CHRM3: variants seen among roughly 807,000 people sequenced by gnomAD.
The protein encoded by CHRM3 is muscarinic acetylcholine receptor M3.
CHRM3 carries 11 observed loss-of-function variants against 41.8 expected under a neutral mutation model. That is an observed-to-expected ratio of 0.26 (90% CI 0.17 to 0.44). The LOEUF is 0.44. CHRM3 is among the 20% of genes least tolerant of loss of function. CHRM3 has a pLI of 1.00. For synonymous variants in CHRM3, 297 were observed against 301.4 expected (o/e 0.99, Z 0.15); for missense variants, 571 against 745.4 (o/e 0.77, Z 2.72).
intron 5 of CHRM3, among the ~76,000 whole-genome samples, chr1:239,708,155 G>C (rs1339938526): frequency 6.6e-6 from 1 of 152,160 alleles, no homozygotes; most frequent in Non-Finnish European, 1.5e-5. Flanking sequence ...ATGTGTATGT[G>C]ATCTTCCCCT....
At chr1:239,533,269 A>G (rs1350176782) in intron 2 of CHRM3, among the ~76,000 whole-genome samples, 1 of 152,172 alleles carries the variant, frequency 6.6e-6, no homozygotes, top group Non-Finnish European at 1.5e-5. Flanking sequence ...TTACACTGCT[A>G]TGAAGAAATA....
At chr1:239,395,305 C>T (rs1425004648) in intron 1 of CHRM3, among the ~76,000 whole-genome samples, 1 of 152,170 alleles carries the variant, frequency 6.6e-6, no homozygotes, top group Non-Finnish European at 1.5e-5. Flanking sequence ...CACTTGGCTT[C>T]AGTAAGGAGC....
intron 4 of CHRM3, among the ~76,000 whole-genome samples, chr1:239,676,070 G>T (rs16838675): frequency 1.3e-5 from 2 of 152,176 alleles, no homozygotes; most frequent in African/African-American, 4.8e-5. Context: ...CCCTGTTTTC[G>T]CCTGTTACAA....
At chr1:239,783,247 A>C (rs998335223) in intron 5 of CHRM3, among the ~76,000 whole-genome samples, 1 of 151,832 alleles carries the variant, frequency 6.6e-6, no homozygotes, top group South Asian at 2.1e-4. Context: ...GGAGGATAAA[A>C]AATATAATTT....
At chr1:239,518,116 GACAACA>G (rs932041245) in intron 2 of CHRM3, among the ~76,000 whole-genome samples, 1 of 151,878 alleles carries the variant, frequency 6.6e-6, no homozygotes, top group African/African-American at 2.4e-5. Flanking sequence ...AAAAAACAAC[GACAACA>G]ACAACAACAA....
At chr1:239,728,005 A>C (rs191502288) in intron 5 of CHRM3, among the ~76,000 whole-genome samples, 1 of 152,086 alleles carries the variant, frequency 6.6e-6, no homozygotes, top group East Asian at 1.9e-4. Flanking sequence ...CAATCAAGCT[A>C]ATTTACATAA....
intron 5 of CHRM3, among the ~76,000 whole-genome samples, chr1:239,826,264 C>T (rs973786403): frequency 4.6e-5 from 7 of 152,276 alleles, no homozygotes; most frequent in African/African-American, 1.2e-4. Flanking sequence ...CCACCACCCT[C>T]GCTCCCCATT....
chr1:239,781,167 T>C (rs582289), intron 5 of CHRM3, among the ~76,000 whole-genome samples: 128,287 of 152,074 alleles, frequency 0.84, 54,282 homozygotes, highest in East Asian at 0.87. Flanking sequence ...TTGATTGGGA[T>C]TGTATTGAAT....
At chr1:239,643,178 G>C (rs1274290237) in intron 4 of CHRM3, among the ~76,000 whole-genome samples, 1 of 152,148 alleles carries the variant, frequency 6.6e-6, no homozygotes, top group African/African-American at 2.4e-5. Context: ...TGCCCCTACT[G>C]GGGGGTGCCT....
At chr1:239,855,080 T>C (rs537871899) in intron 6 of CHRM3, among the ~76,000 whole-genome samples, 2 of 152,172 alleles carry the variant, frequency 1.3e-5, no homozygotes, top group Admixed American at 6.6e-5. Context: ...ATAGGTTTTA[T>C]TGATCTACAT....
At chr1:239,574,861 C>T (rs1045836259) in intron 3 of CHRM3, among the ~76,000 whole-genome samples, 1 of 151,830 alleles carries the variant, frequency 6.6e-6, no homozygotes, top group African/African-American at 2.4e-5. Flanking sequence ...ACCTAGAATA[C>T]CCTGTGGCAT....
In CHRM3 at chr1:239,909,747, G is replaced by A. The variant is rs1035943229; in HGVS notation, c.*523G>A. On this transcript the variant is annotated 3_prime_UTR_variant, in exon 7 of 7. Transcript: ENST00000676153. ...TAGAGCTTCCTGTCTTTTCTTTGGT[G>A]TGTTGTTAAACTCTATTTGTGGACT... The A allele has an allele frequency of 1.8e-5, 3 of 168,478 alleles. No individual in the cohort carries two copies. The highest frequency in any genetic ancestry group is 4.8e-5 in the African/African-American group (2 of 41,424). The allele number at this position is 168,478 out of a possible 1,614,324, so 10.4% of individuals were successfully genotyped here.
At chr1:239,613,586 G>T (rs934539073) in intron 3 of CHRM3, among the ~76,000 whole-genome samples, 2 of 152,176 alleles carry the variant, frequency 1.3e-5, no homozygotes. Flanking sequence ...AGGTCTGCAG[G>T]TACAAGGGGA....
chr1:239,811,239 C>G (rs571321743), intron 5 of CHRM3, among the ~76,000 whole-genome samples: 91 of 152,240 alleles, frequency 6.0e-4, no homozygotes, highest in African/African-American at 2.2e-3. Flanking sequence ...GGTAGTCTGC[C>G]ATTAGATTTA....
intron 5 of CHRM3, among the ~76,000 whole-genome samples, chr1:239,693,679 G>A (rs1659922914): frequency 6.6e-6 from 1 of 152,178 alleles, no homozygotes; most frequent in Non-Finnish European, 1.5e-5. Flanking sequence ...GAGGTGAGAA[G>A]TGGGAAAACC....
rs1414724002 is a variant in CHRM3 at position 239,685,994 on chromosome 1, A to G, written c.-147+7706A>G. On this transcript the variant is annotated intron_variant, in intron 5 of 6. Transcript: ENST00000676153. Reference sequence around the variant, plus strand: ...CAAACAAAGACAAAAACAAAAACAAACAAACAAAAAAACTGTGTTCTGTCG... The same window carrying G: ...CAAACAAAGACAAAAACAAAAACAAGCAAACAAAAAAACTGTGTTCTGTCG... Among the ~76,000 whole-genome samples the G allele has an allele frequency of 2.0e-5, 3 of 151,794 alleles. No homozygotes were observed. The East Asian group carries it at 5.8e-4, about 29-fold the overall frequency.
chr1:239,744,892 A>G (rs1039996641), intron 5 of CHRM3, among the ~76,000 whole-genome samples: 10 of 152,126 alleles, frequency 6.6e-5, no homozygotes, highest in African/African-American at 2.4e-4. Flanking sequence ...TTGGGGTGGG[A>G]TCCTGAGCCT....
At chr1:239,594,398 A>G (rs1250696732) in intron 3 of CHRM3, among the ~76,000 whole-genome samples, 3 of 152,206 alleles carry the variant, frequency 2.0e-5, no homozygotes, top group African/African-American at 7.2e-5. Flanking sequence ...TGTTTATGAG[A>G]AGCATTGTTT....
chr1:239,827,479 G>A (rs932016452), intron 6 of CHRM3, 101 bp downstream of exon 6: 12 of 152,128 alleles, frequency 7.9e-5, no homozygotes, highest in East Asian at 1.9e-4. Context: ...GATTAGTTAC[G>A]TGACCTCAAT....
Sources: gnomAD v4.1 joint callset for allele counts (sites outside exome capture counted in the v4.1 genomes callset) on GRCh38, gnomAD v4.1.1 for gene constraint, MANE v1.5 for transcripts, NCBI Gene and HGNC (gene_info 2026-07-23, HGNC 2026-07-21) for gene names.